The following SLC22A12 variants were observed in gnomAD, a reference collection of about 807,000 sequenced individuals.
SLC22A12 encodes the protein solute carrier family 22 member 12.
SLC22A12 carries 56 observed loss-of-function variants against 52.7 expected under a neutral mutation model. The ratio of observed to expected loss-of-function variants is 1.06; its 90% CI spans 0.86 to 1.33. The LOEUF is 1.33. Among genes scored for constraint, SLC22A12 ranks in the 40% most tolerant of loss-of-function variants. The pLI is 0.00. For synonymous variants in SLC22A12, 337 were observed against 324.6 expected, an observed-to-expected ratio of 1.04 and a Z score of -0.41; for missense variants, 683 against 741.5, an observed-to-expected ratio of 0.92 and a Z score of 0.92.
intron 6 of SLC22A12, 106 bp downstream of exon 6, chr11:64,599,029 T>C: frequency 6.8e-7 from 1 of 1,460,106 alleles, no homozygotes; most frequent in Non-Finnish European, 9.3e-7. Flanking sequence ...CCCACTGGCC[T>C]GCAACACCGA....
At chr11:64,598,007 T>C (rs1218784112) in intron 4 of SLC22A12, among the ~76,000 whole-genome samples, 1 of 152,028 alleles carries the variant, frequency 6.6e-6, no homozygotes, top group Non-Finnish European at 1.5e-5. Context: ...CCGGGGTGGC[T>C]GTGAAGCTGT....
intron 7 of SLC22A12, 91 bp from the exon 8 acceptor site, chr11:64,600,276 G>A: frequency 1.9e-6 from 2 of 1,043,258 alleles, no homozygotes; most frequent in Non-Finnish European, 2.9e-6. Context: ...AAAGAGGCCT[G>A]AAAGTCAGGG....
In SLC22A12 at chr11:64,591,404, C is replaced by G; in HGVS notation, c.-153C>G. ...CAGGCAGATGACCAGAGAGCCTGAG[C>G]CTCCGGCCCCGAGTCTGTGAAGCCT... On this transcript the variant is annotated 5_prime_UTR_variant, in exon 1 of 10. Transcript: ENST00000377574. The G allele has an allele frequency of 9.8e-7, 1 of 1,023,192 alleles. No homozygotes were observed. Among genetic ancestry groups the G allele is most frequent in the Non-Finnish European group, 1.4e-6 (1 of 705,206 alleles). 63.4% of individuals were successfully genotyped at this position (1,023,192 alleles called of 1,614,324 possible).
At chr11:64,599,074 A>G in intron 6 of SLC22A12, 151 bp downstream of exon 6, 3 of 1,219,638 alleles carry the variant, frequency 2.5e-6, no homozygotes, top group Non-Finnish European at 2.3e-6. Context: ...CCGACAGGAG[A>G]CAACCCAGGC....
chr11:64,595,400 CGGAT>C (rs1284524291), intron 4 of SLC22A12, among the ~76,000 whole-genome samples: 1,024 of 49,118 alleles, frequency 0.021, 85 homozygotes, highest in East Asian at 0.073. Context: ...GATGGACGGA[CGGAT>C]GGATGGATGG....
intron 7 of SLC22A12, 38 bp from the exon 8 acceptor site, chr11:64,600,329 C>G: frequency 6.7e-7 from 1 of 1,487,510 alleles, no homozygotes; most frequent in Non-Finnish European, 9.2e-7. Context: ...TGATCTTGGG[C>G]CCCCCACCAA....
rs2039435512 is a variant in SLC22A12, at chr11:64,600,926, A to T, written c.1586A>T (p.Asp529Val). 1.2e-6 allele frequency: 2 copies of T among 1,608,484 alleles called. No individual in the cohort carries two copies. Among genetic ancestry groups the T allele is most frequent in the Admixed American group, 1.7e-5 (1 of 59,996 alleles). The stretch of plus-strand genomic sequence containing the variant: ...TTGCCGCTGCCCGACACCATCCAAG[A>T]TGTGCAGAACCAGTGAGTGGACCCA... ...QSLPLPDTIQ[D>V]VQNQAVKKAT... Residue 529 changes from aspartate to valine, a missense_variant, in exon 9 of 10, where the codon GAT becomes GTT. Coordinates refer to ENST00000377574, the MANE Select transcript of SLC22A12 (RefSeq NM_144585.4).
rs1335492192 is a variant in SLC22A12 at position 64,599,672 on chromosome 11, C to T, written c.1071-4C>T. 2.2e-6 allele frequency: 3 copies of T among 1,373,036 alleles called. No individual in the cohort carries two copies. Among genetic ancestry groups the T allele is most frequent in the African/African-American group, 3.0e-5 (2 of 66,594 alleles). The allele number at this position is 1,373,036 out of a possible 1,614,324, so 85.1% of individuals were successfully genotyped here. Reference sequence around the variant, plus strand: ...CACCCTGACTTCCCTGACCCCTGCCCCAGGTTCGCCTTTGGCTTCACCTTC... The same window carrying T: ...CACCCTGACTTCCCTGACCCCTGCCTCAGGTTCGCCTTTGGCTTCACCTTC... On this transcript the variant is annotated splice_polypyrimidine_tract_variant and splice_region_variant and intron_variant, in intron 6 of 9. Coordinates refer to ENST00000377574, the MANE Select transcript of SLC22A12 (RefSeq NM_144585.4).
intron 4 of SLC22A12, 72 bp from the exon 5 acceptor site, chr11:64,598,444 A>C (rs1267164751): frequency 1.3e-6 from 2 of 1,543,558 alleles, no homozygotes; most frequent in Admixed American, 2.0e-5. Flanking sequence ...ACAGGGTAGC[A>C]GTCTGAGGCT....
intron 4 of SLC22A12, among the ~76,000 whole-genome samples, chr11:64,596,605 C>A (rs1565138048): frequency 6.6e-6 from 1 of 152,184 alleles, no homozygotes; most frequent in Non-Finnish European, 1.5e-5. Flanking sequence ...CGCACCCACA[C>A]TAAGAAGAAG....
rs1445208250 is a variant in SLC22A12 at position 64,600,852 on chromosome 11, G to A, written c.1512G>A (p.Val504=). 1 of 1,608,722 alleles carries A rather than the reference G, an allele frequency of 6.2e-7. No individual in the cohort carries two copies. Among genetic ancestry groups the A allele is most frequent in the East Asian group, 2.2e-5 (1 of 44,876 alleles). Reference sequence around the variant, plus strand: ...TGCCCTTGCTGGTGTATGGGACGGTGCCAGTGCTGAGTGGCCTGGCCGCAC... The same window carrying A: ...TGCCCTTGCTGGTGTATGGGACGGTACCAGTGCTGAGTGGCCTGGCCGCAC... ...PWLPLLVYGT[V]PVLSGLAALL... Residue 504 remains valine, a synonymous_variant, in exon 9 of 10, where the codon GTG becomes GTA. Coordinates refer to ENST00000377574, the MANE Select transcript of SLC22A12 (RefSeq NM_144585.4).
rs2039000011 is a variant in SLC22A12 at position 64,593,800 on chromosome 11, C to G, written c.827C>G (p.Ser276Cys). The change falls in exon 4 of 10, where the codon TCC becomes TGC. Residue 276 changes from serine to cysteine, a missense_variant. Ser to Cys is a moderately radical substitution (Grantham distance 112, BLOSUM62 -1). Coordinates refer to ENST00000377574, the MANE Select transcript of SLC22A12 (RefSeq NM_144585.4). ...SVPFFLCFLY[S>C]WWLAESARWL... ...CCCTTCTTCCTCTGCTTTTTGTACT[C>G]CTGGTGGGTGCTGTGCCCCACTCCC... 2 of 1,604,424 alleles carry G rather than the reference C, an allele frequency of 1.2e-6. No individual in the cohort carries two copies. The highest frequency in any genetic ancestry group is 1.3e-5 in the African/African-American group (1 of 74,920).
chr11:64,599,077 A>C (rs80097678), intron 6 of SLC22A12, among the ~76,000 whole-genome samples, 154 bp downstream of exon 6: 3 of 152,184 alleles, frequency 2.0e-5, no homozygotes, highest in Non-Finnish European at 4.4e-5. Flanking sequence ...ACAGGAGACA[A>C]CCCAGGCCGG....
intron 4 of SLC22A12, among the ~76,000 whole-genome samples, chr11:64,598,175 C>T (rs939783760): frequency 1.3e-5 from 2 of 152,072 alleles, no homozygotes; most frequent in African/African-American, 2.4e-5. Flanking sequence ...TGACTGCAAC[C>T]AGGCCGGGTT....
intron 9 of SLC22A12, 82 bp from the exon 10 acceptor site, chr11:64,601,406 T>C (rs778387319): frequency 2.1e-6 from 3 of 1,422,312 alleles, no homozygotes; most frequent in Non-Finnish European, 2.9e-6. Flanking sequence ...TGGCATTCCC[T>C]GGAGTCCTTG....
chr11:64,598,663 C>G (rs763213612), intron 5 of SLC22A12, 24 bp downstream of exon 5: 1 of 1,606,356 alleles, frequency 6.2e-7, no homozygotes, highest in Non-Finnish European at 8.5e-7. Context: ...CTCCTCAAAC[C>G]CGGACCCTCA....
At chr11:64,600,296 C>T (rs561700856) in intron 7 of SLC22A12, 71 bp from the exon 8 acceptor site, 3 of 1,223,412 alleles carry the variant, frequency 2.5e-6, no homozygotes, top group African/African-American at 3.0e-5. Context: ...GACAAGCCCC[C>T]TGGGCTGAAG....
In SLC22A12 at chr11:64,597,309, C is replaced by T. The variant is rs148529645; in HGVS notation, c.831-1207C>T. Among the ~76,000 whole-genome samples, 310 of 152,240 alleles carry T rather than the reference C, an allele frequency of 2.0e-3. 1 individual carries two copies. The highest frequency in any genetic ancestry group is 7.1e-3 in the African/African-American group (295 of 41,520). ...CACCCCTGCCTGCAGCCCCAGCTCC[C>T]TCCAAATACTGCAGACCCCAAATCT... On this transcript the variant is annotated intron_variant, in intron 4 of 9. Transcript: ENST00000377574.
intron 4 of SLC22A12, among the ~76,000 whole-genome samples, chr11:64,595,233 GATGGATGGATGGATGGATGGA>G (rs1565136175): frequency 2.0e-4 from 23 of 116,094 alleles, no homozygotes; most frequent in African/African-American, 6.9e-4. Context: ...TGGATGGATG[GATGGATGGATGGATGGATGGA>G]ATGGATGGAT....
Sources: allele counts gnomAD v4.1 joint callset (sites outside exome capture counted in the v4.1 genomes callset), GRCh38; gene constraint gnomAD v4.1.1; transcripts MANE v1.5; gene names NCBI Gene and HGNC (gene_info 2026-07-23, HGNC 2026-07-21).